The following APLF variants were observed in gnomAD, a reference collection of about 807,000 sequenced individuals.
APLF encodes the protein aprataxin and PNKP like factor, also known as aprataxin and PNK-like factor.
In APLF, 61 loss-of-function variants were observed where a neutral mutation model predicts 55.6. The ratio of observed to expected loss-of-function variants is 1.10; its 90% CI spans 0.89 to 1.36. APLF has a LOEUF of 1.36. APLF is among the 40% of genes most tolerant of loss of function. APLF has a pLI of 0.00. For missense variants in APLF, 611 were observed against 602.5 expected, an observed-to-expected ratio of 1.01 and a Z score of -0.15; for synonymous variants, 207 against 214.8, an observed-to-expected ratio of 0.96 and a Z score of 0.32.
In APLF at chr2:68,525,555, C is replaced by T. The variant is rs114420345; in HGVS notation, c.623-506C>T. The stretch of plus-strand genomic sequence containing the variant: ...GATGAAACCAAAGTTCAGAAAGGTG[C>T]GATGAAATAGTTAAGGGATGGAGCC... On this transcript the variant is annotated intron_variant, in intron 5 of 9. Transcript: ENST00000303795. Among the ~76,000 whole-genome samples, 1,182 of 151,984 alleles carry T rather than the reference C, an allele frequency of 7.8e-3. 13 individuals are homozygous for T. The highest frequency in any genetic ancestry group is 0.027 in the African/African-American group (1,127 of 41,416).
intron 5 of APLF, among the ~76,000 whole-genome samples, chr2:68,518,778 T>TTAA (rs1362466614): frequency 1.6e-3 from 159 of 97,450 alleles, no homozygotes; most frequent in Middle Eastern, 0.013. Flanking sequence ...TAATATATCA[T>TTAA]TATATAATAA....
chr2:68,477,674 A>G (rs527677249), intron 1 of APLF, among the ~76,000 whole-genome samples: 3 of 152,254 alleles, frequency 2.0e-5, no homozygotes, highest in Admixed American at 2.0e-4. Flanking sequence ...ATAAAGACAT[A>G]ACCAAAACTG....
intron 4 of APLF, 93 bp from the exon 5 acceptor site, chr2:68,513,455 G>T: frequency 7.2e-7 from 1 of 1,390,576 alleles, no homozygotes. Flanking sequence ...GTTGCATATG[G>T]GTATTTTAAT....
chr2:68,548,715 G>A (rs1004376964), intron 8 of APLF, among the ~76,000 whole-genome samples: 8 of 151,678 alleles, frequency 5.3e-5, no homozygotes, highest in Admixed American at 2.0e-4. Flanking sequence ...TATATAATTC[G>A]TGGCACTGTG....
chr2:68,495,042 C>T (rs1480652807), intron 2 of APLF, among the ~76,000 whole-genome samples: 1 of 152,136 alleles, frequency 6.6e-6, no homozygotes. Flanking sequence ...AAAATACTTC[C>T]CACCAGGCCC....
rs1194656099 is a variant in APLF at position 68,513,638 on chromosome 2, C to T, written c.580C>T (p.His194Tyr). ...CCTTCCAACTTGGATGTTAGCAGAA[C>T]ATTTAAGTGATCAAAACCTTTCAGT... ...RILPTWMLAEHLSDQNLSVPA... is the reference protein window; with the variant it reads ...RILPTWMLAEYLSDQNLSVPA... The change falls in exon 5 of 10, where the codon CAT becomes TAT. Residue 194 changes from histidine (H) to tyrosine (Y), a missense_variant. His to Tyr is a moderately conservative substitution (Grantham distance 83). Coordinates refer to ENST00000303795, the MANE Select transcript of APLF (RefSeq NM_173545.3). 3 of 1,611,352 alleles carry T rather than the reference C, an allele frequency of 1.9e-6. No homozygotes were observed. Among genetic ancestry groups the T allele is most frequent in the Admixed American group, 1.7e-5 (1 of 59,742 alleles).
intron 7 of APLF, among the ~76,000 whole-genome samples, chr2:68,539,724 TTA>T (rs1670494686): frequency 1.3e-5 from 2 of 152,154 alleles, no homozygotes; most frequent in African/African-American, 4.8e-5. Flanking sequence ...AAATTCTTAA[TTA>T]TATAAGAATA....
intron 6 of APLF, among the ~76,000 whole-genome samples, chr2:68,535,703 A>C (rs1339395037): frequency 6.6e-6 from 1 of 151,964 alleles, no homozygotes; most frequent in Non-Finnish European, 1.5e-5. Context: ...GTACTAATAA[A>C]GTATCCCATG....
At chr2:68,570,822 G>A in intron 9 of APLF, among the ~76,000 whole-genome samples, 1 of 152,136 alleles carries the variant, frequency 6.6e-6, no homozygotes, top group East Asian at 1.9e-4. Flanking sequence ...GTAATGGGAT[G>A]GCTGGGTCAA....
In APLF at chr2:68,538,479, G is replaced by T. The variant is rs527905675; in HGVS notation, c.1160+252G>T. On this transcript the variant is annotated intron_variant, in intron 7 of 9. Coordinates refer to ENST00000303795, the MANE Select transcript of APLF (RefSeq NM_173545.3). ...ACTAATGTGAGGATCTGAATACTGG[G>T]GAATCCAGACATGAAGACTGAATCC... Among the ~76,000 whole-genome samples the T allele has an allele frequency of 8.5e-5, 13 of 152,090 alleles. No homozygotes were observed. In the East Asian group the frequency reaches 1.9e-3, roughly 23 times the overall value.
intron 5 of APLF, 97 bp from the exon 6 acceptor site, chr2:68,525,964 G>A (rs1670033021): frequency 8.4e-7 from 1 of 1,190,432 alleles, no homozygotes; most frequent in East Asian, 2.6e-5. Context: ...TGGCCAGGCT[G>A]GTCTCGAATC....
intron 8 of APLF, among the ~76,000 whole-genome samples, chr2:68,556,579 C>G (rs568636791): frequency 2.6e-5 from 4 of 152,116 alleles, no homozygotes; most frequent in Non-Finnish European, 5.9e-5. Flanking sequence ...AGTGTGTATT[C>G]CTGTTCTTAC....
chr2:68,515,523 A>G (rs1399489507), intron 5 of APLF: 4 of 919,236 alleles, frequency 4.4e-6, no homozygotes, highest in East Asian at 1.2e-4. Context: ...CTTCTGTGCT[A>G]CTGCTTATAA....
At chr2:68,490,739 G>A (rs555822180) in intron 2 of APLF, among the ~76,000 whole-genome samples, 2 of 152,260 alleles carry the variant, frequency 1.3e-5, no homozygotes, top group South Asian at 4.1e-4. Context: ...TTGAGGGCTC[G>A]AATTTTAATT....
chr2:68,503,155 G>A (rs1005145203), intron 3 of APLF, among the ~76,000 whole-genome samples: 1 of 152,078 alleles, frequency 6.6e-6, no homozygotes, highest in South Asian at 2.1e-4. Context: ...TGCTCCCACA[G>A]GTGGTGTCTT....
At chr2:68,553,994 T>C (rs1670937345) in intron 8 of APLF, among the ~76,000 whole-genome samples, 2 of 152,114 alleles carry the variant, frequency 1.3e-5, no homozygotes, top group African/African-American at 2.4e-5. Context: ...TGATCTCAGA[T>C]GTTGTATGCC....
At chr2:68,558,137 ACAT>A (rs1671065033) in intron 8 of APLF, among the ~76,000 whole-genome samples, 2 of 152,110 alleles carry the variant, frequency 1.3e-5, no homozygotes, top group African/African-American at 4.8e-5. Context: ...TACAGTAACA[ACAT>A]CAATTATATT....
At position 68,526,204 on chromosome 2, in the gene APLF, A is replaced by G. The variant is rs765819873; in HGVS notation, c.766A>G (p.Lys256Glu). ...AGAACAAGACACAGGAGAAGAGTGC[A>G]AAAATACTGATCAGGAAGAGTCTAC... ...SAEQDTGEEC[K>E]NTDQEESTIS... The change falls in exon 6 of 10, where the codon AAA (lysine) becomes GAA (glutamate). Residue 256 changes from lysine to glutamate, a missense_variant. By Grantham distance (56) the Lys-to-Glu change is moderately conservative. Coordinates refer to ENST00000303795, the MANE Select transcript of APLF (RefSeq NM_173545.3). The G allele has an allele frequency of 6.2e-6, 10 of 1,612,490 alleles. No individual in the cohort carries two copies. The East Asian group carries it at 2.2e-4, about 36-fold the overall frequency.
intron 8 of APLF, among the ~76,000 whole-genome samples, chr2:68,566,167 T>G (rs1185669406): frequency 6.6e-6 from 1 of 152,100 alleles, no homozygotes; most frequent in Admixed American, 6.6e-5. Context: ...AAGTCATATT[T>G]TACCTGTTAT....
Sources: gnomAD v4.1 joint callset for allele counts (sites outside exome capture counted in the v4.1 genomes callset) on GRCh38, gnomAD v4.1.1 for gene constraint, MANE v1.5 for transcripts, NCBI Gene and HGNC (gene_info 2026-07-23, HGNC 2026-07-21) for gene names.